Variants in RFX6 observed in about 807,000 individuals in gnomAD.
The protein encoded by RFX6 is regulatory factor X6.
A neutral mutation model predicts 110.8 loss-of-function variants in RFX6; 50 were observed. That is an observed-to-expected ratio of 0.45 (90% CI 0.36 to 0.57). The LOEUF (loss-of-function observed/expected upper bound fraction) is 0.57. Ranked by LOEUF, RFX6 falls within the 20% of genes least tolerant of loss-of-function variation. RFX6 has a pLI of 0.00. For missense variants in RFX6, 990 were observed against 1,127.0 expected, an observed-to-expected ratio of 0.88 and a Z score of 1.74; for synonymous variants, 383 against 411.2, an observed-to-expected ratio of 0.93 and a Z score of 0.83.
intron 6 of RFX6, among the ~76,000 whole-genome samples, chr6:116,905,970 T>C (rs1582523556): frequency 6.6e-6 from 1 of 152,194 alleles, no homozygotes; most frequent in African/African-American, 2.4e-5. Flanking sequence ...TTCTAAAATT[T>C]TTATAGTTTT....
intron 4 of RFX6, among the ~76,000 whole-genome samples, chr6:116,891,763 T>C (rs1477350583): frequency 1.3e-5 from 2 of 152,200 alleles, no homozygotes; most frequent in Admixed American, 6.5e-5. Context: ...CCTATATCTA[T>C]TAATATAGCT....
intron 6 of RFX6, among the ~76,000 whole-genome samples, chr6:116,905,880 T>G (rs576591377): frequency 6.6e-6 from 1 of 152,178 alleles, no homozygotes; most frequent in Non-Finnish European, 1.5e-5. Flanking sequence ...GTAATTTTTG[T>G]TGTTACCTGT....
chr6:116,927,687 G>A (rs1775776679), intron 17 of RFX6, 148 bp downstream of exon 17: 1 of 682,712 alleles, frequency 1.5e-6, no homozygotes, highest in Non-Finnish European at 2.5e-6. Context: ...GCTGATTTCT[G>A]TCACATACAT....
At chr6:116,904,227 T>C (rs1775145380) in intron 6 of RFX6, among the ~76,000 whole-genome samples, 1 of 152,116 alleles carries the variant, frequency 6.6e-6, no homozygotes, top group African/African-American at 2.4e-5. Flanking sequence ...TTTTTTATTT[T>C]GAAATTTTAA....
chr6:116,928,728 A>T, intron 17 of RFX6, 31 bp from the exon 18 acceptor site: 1 of 1,528,646 alleles, frequency 6.5e-7, no homozygotes. Context: ...GTAGTAAGTT[A>T]ACAGCAAATT....
chr6:116,919,118 C>T lies in RFX6; in HGVS notation c.1023-19C>T. The T allele has an allele frequency of 6.2e-7, 1 of 1,607,518 alleles. No homozygotes were observed. Among genetic ancestry groups the T allele is most frequent in the Non-Finnish European group, 8.5e-7 (1 of 1,174,358 alleles). On this transcript the variant is annotated intron_variant, in intron 10 of 18. Coordinates refer to ENST00000332958, the MANE Select transcript of RFX6 (RefSeq NM_173560.4). ...CATTTTTTAACAATGAAGCATTTAACACATAGCCTTCTTTGTAGCTTATTA... is the reference window on the plus strand; with the variant it reads ...CATTTTTTAACAATGAAGCATTTAATACATAGCCTTCTTTGTAGCTTATTA...
At chr6:116,880,954 T>C (rs1249172412) in intron 3 of RFX6, among the ~76,000 whole-genome samples, 1 of 152,070 alleles carries the variant, frequency 6.6e-6, no homozygotes, top group Non-Finnish European at 1.5e-5. Flanking sequence ...TAGTATGGCC[T>C]GTGGTAAGAA....
chr6:116,923,312 A>G (rs1775642436), intron 14 of RFX6, 88 bp downstream of exon 14: 1 of 782,052 alleles, frequency 1.3e-6, no homozygotes, highest in Admixed American at 1.7e-5. Context: ...TAAACATGTT[A>G]CATCATCACT....
At position 116,894,030 on chromosome 6, in the gene RFX6, T is replaced by TACC. The variant is rs1299709290; in HGVS notation, c.613_615dup (p.His205dup). On this transcript the variant is annotated inframe_insertion, in exon 5 of 19. Transcript: ENST00000332958. ...TGGCATCAAAGAGAGCAGTGCATAT[T>TACC]ACCACTCCGTTTATTCTGGAAAGGG... The TACC allele has an allele frequency of 6.9e-6, 11 of 1,602,652 alleles. No homozygotes were observed. Among genetic ancestry groups the TACC allele is most frequent in the Non-Finnish European group, 9.4e-6 (11 of 1,169,824 alleles).
chr6:116,922,262 G>T (rs572751558), intron 13 of RFX6, 111 bp downstream of exon 13: 3 of 708,382 alleles, frequency 4.2e-6, no homozygotes, highest in African/African-American at 3.5e-5. Context: ...GTGTGTAAAG[G>T]CTTTGAAAAG....
intron 4 of RFX6, among the ~76,000 whole-genome samples, chr6:116,884,519 G>A (rs558077260): frequency 6.6e-6 from 1 of 152,256 alleles, no homozygotes; most frequent in South Asian, 2.1e-4. Flanking sequence ...TTCAAAGTTT[G>A]ATCAGTTTAA....
chr6:116,905,407 A>G (rs999540600), intron 6 of RFX6, among the ~76,000 whole-genome samples: 7 of 152,104 alleles, frequency 4.6e-5, no homozygotes, highest in Non-Finnish European at 1.0e-4. Context: ...TATGTTGTTA[A>G]GTTTTAGGAG....
At chr6:116,885,399 A>G (rs559838158) in intron 4 of RFX6, among the ~76,000 whole-genome samples, 43 of 152,184 alleles carry the variant, frequency 2.8e-4, no homozygotes, top group Non-Finnish European at 5.7e-4. Context: ...CTGCACTACA[A>G]TTAGAAGTTA....
At position 116,928,772 on chromosome 6, in the gene RFX6, C is replaced by T; in HGVS notation, c.2412C>T (p.Ser804=). ...PPNSPNGYYG[S]NINYPESHRL... is the part of the protein sequence containing the mutation. ...TTTCTGTTACAGGATACTATGGAAGCAACATAAACTACCCAGAGTCTCACA... is the reference window on the plus strand; with the variant it reads ...TTTCTGTTACAGGATACTATGGAAGTAACATAAACTACCCAGAGTCTCACA... Residue 804 remains serine (S), a synonymous_variant, in exon 18 of 19, where the codon AGC becomes AGT. Coordinates refer to ENST00000332958, the MANE Select transcript of RFX6 (RefSeq NM_173560.4). 1 of 1,611,814 alleles carries T rather than the reference C, an allele frequency of 6.2e-7. No individual in the cohort carries two copies. The highest frequency in any genetic ancestry group is 8.5e-7 in the Non-Finnish European group (1 of 1,177,896).
At chr6:116,892,599 A>G (rs1774856071) in intron 4 of RFX6, among the ~76,000 whole-genome samples, 2 of 152,170 alleles carry the variant, frequency 1.3e-5, no homozygotes, top group Non-Finnish European at 2.9e-5. Flanking sequence ...CTCACAGTGA[A>G]CAAAGGAGCC....
chr6:116,915,260 A>G (rs575815560), intron 7 of RFX6, among the ~76,000 whole-genome samples: 4 of 152,282 alleles, frequency 2.6e-5, no homozygotes, highest in African/African-American at 9.6e-5. Context: ...TTCATAATAG[A>G]CATTCAATGT....
intron 16 of RFX6, 71 bp from the exon 17 acceptor site, chr6:116,926,956 A>G: frequency 7.4e-7 from 1 of 1,350,268 alleles, no homozygotes. Context: ...AATCTTTTGA[A>G]TATTTTTTAA....
intron 6 of RFX6, among the ~76,000 whole-genome samples, chr6:116,903,624 A>C (rs1775125841): frequency 6.6e-6 from 1 of 151,956 alleles, no homozygotes; most frequent in Non-Finnish European, 1.5e-5. Flanking sequence ...TTTTCTGTAA[A>C]GTTTGCCACT....
At chr6:116,887,676 C>A (rs554308692) in intron 4 of RFX6, among the ~76,000 whole-genome samples, 1 of 152,134 alleles carries the variant, frequency 6.6e-6, no homozygotes, top group Non-Finnish European at 1.5e-5. Flanking sequence ...TTCCTACTGA[C>A]ATGGATGTAC....
Sources: allele counts gnomAD v4.1 joint callset (sites outside exome capture counted in the v4.1 genomes callset), GRCh38; gene constraint gnomAD v4.1.1; transcripts MANE v1.5; gene names NCBI Gene and HGNC (gene_info 2026-07-23, HGNC 2026-07-21).